Variants in PDE10A observed in about 807,000 individuals in gnomAD.
PDE10A encodes the protein cAMP and cAMP-inhibited cGMP 3',5'-cyclic phosphodiesterase 10A.
In PDE10A, 39 loss-of-function variants were observed where a neutral mutation model predicts 97.7. That is an observed-to-expected ratio of 0.40 (90% CI 0.31 to 0.52). The LOEUF (loss-of-function observed/expected upper bound fraction) is 0.52. PDE10A is among the 20% of genes least tolerant of loss of function. The pLI is 0.56. For synonymous variants in PDE10A, 371 were observed against 376.8 expected (o/e 0.98, Z 0.18); for missense variants, 731 against 1,047.8 (o/e 0.70, Z 4.17).
At chr6:165,432,726 T>C (rs1789688753) in intron 7 of PDE10A, among the ~76,000 whole-genome samples, 2 of 152,142 alleles carry the variant, frequency 1.3e-5, no homozygotes, top group Admixed American at 6.5e-5. Context: ...GAGTACAGCA[T>C]ACCTTTTATT....
At chr6:165,805,916 C>A (rs1276151386) in intron 1 of PDE10A, among the ~76,000 whole-genome samples, 2 of 151,972 alleles carry the variant, frequency 1.3e-5, no homozygotes, top group African/African-American at 4.8e-5. Flanking sequence ...CCAGTTCCAA[C>A]CTGTAAGGAA....
intron 6 of PDE10A, among the ~76,000 whole-genome samples, chr6:165,434,016 C>CAAAA (rs759945561): frequency 2.9e-3 from 157 of 53,904 alleles, no homozygotes; most frequent in Middle Eastern, 0.013. Context: ...GACTCCGTCT[C>CAAAA]AAAAAAAAAA....
At chr6:165,903,407 T>C (rs1325008935) in intron 1 of PDE10A, among the ~76,000 whole-genome samples, 2 of 152,194 alleles carry the variant, frequency 1.3e-5, no homozygotes, top group African/African-American at 4.8e-5. Context: ...GGAAAGTTGA[T>C]AGAACTTCTT....
At chr6:165,543,029 T>C (rs1217167792) in intron 2 of PDE10A, among the ~76,000 whole-genome samples, 1 of 152,208 alleles carries the variant, frequency 6.6e-6, no homozygotes, top group Non-Finnish European at 1.5e-5. Flanking sequence ...AAAAATTGTT[T>C]TTATATTGGC....
intron 5 of PDE10A, among the ~76,000 whole-genome samples, chr6:165,446,145 T>G (rs1485299720): frequency 6.6e-6 from 1 of 152,220 alleles, no homozygotes; most frequent in Non-Finnish European, 1.5e-5. Context: ...TTTTAGTCAA[T>G]ATTCAGAGAG....
At chr6:165,983,644 A>T (rs1411999382) in intron 1 of PDE10A, among the ~76,000 whole-genome samples, 1 of 152,204 alleles carries the variant, frequency 6.6e-6, no homozygotes, top group Non-Finnish European at 1.5e-5. Context: ...ATGAGCAAAC[A>T]CATAAACCTT....
chr6:165,929,244 C>T lies in PDE10A; in HGVS notation c.-615+58285G>A, dbSNP rs563743545. Among the ~76,000 whole-genome samples, 46 of 152,268 alleles carry T rather than the reference C, an allele frequency of 3.0e-4. 1 individual carries two copies. In the South Asian group the frequency reaches 5.8e-3, roughly 19 times the overall value. The stretch of plus-strand genomic sequence containing the variant: ...ACTAAAACAAGATGCTTGTAAAGCA[C>T]GCAGGAGTCCTCGAGTGCAGGTCAG... On this transcript the variant is annotated intron_variant, in intron 1 of 19. Coordinates refer to the PDE10A transcript ENST00000366882.
chr6:165,854,640 C>A (rs1459602140), intron 1 of PDE10A, among the ~76,000 whole-genome samples: 2 of 152,122 alleles, frequency 1.3e-5, no homozygotes, highest in African/African-American at 4.8e-5. Flanking sequence ...GAGCGGGTGG[C>A]GAAGGTGCAG....
Position 165,495,548 on chromosome 6 carries a change from A to AT in PDE10A, c.995-13206dup, listed in dbSNP as rs913312487. On this transcript the variant is annotated intron_variant, in intron 2 of 21. Coordinates refer to ENST00000539869, the MANE Select transcript of PDE10A (RefSeq NM_001385079.1). ...CAGGTAAAACTAAAAACACTCGAGTATTTTTTTAAATGCAACAAAGTGTTA... is the reference window on the plus strand; with the variant it reads ...CAGGTAAAACTAAAAACACTCGAGTATTTTTTTTAAATGCAACAAAGTGTTA... Among the ~76,000 whole-genome samples the AT allele has an allele frequency of 4.0e-5, 6 of 148,902 alleles. No individual in the cohort carries two copies. In the East Asian group the frequency reaches 1.2e-3, roughly 29 times the overall value.
In PDE10A at chr6:165,433,137, A is replaced by G; in HGVS notation, c.1336-8T>C. 1 of 1,589,584 alleles carries G rather than the reference A, an allele frequency of 6.3e-7. No homozygotes were observed. Among genetic ancestry groups the G allele is most frequent in the Non-Finnish European group, 8.6e-7 (1 of 1,162,396 alleles). On this transcript the variant is annotated splice_polypyrimidine_tract_variant and splice_region_variant and intron_variant, in intron 6 of 21. Transcript: ENST00000539869. Reference sequence around the variant, plus strand: ...TCTTGGAAATCGTTCATCCTGAAAAACAAAAAGACAAAAAGACATAAATTC... The same window carrying G: ...TCTTGGAAATCGTTCATCCTGAAAAGCAAAAAGACAAAAAGACATAAATTC...
At chr6:165,512,092 G>T (rs1211543869) in intron 2 of PDE10A, among the ~76,000 whole-genome samples, 2 of 151,856 alleles carry the variant, frequency 1.3e-5, no homozygotes, top group South Asian at 2.1e-4. Context: ...TATATTCTTT[G>T]TTCCTTTCTT....
At chr6:165,500,433 T>C (rs1173568851) in intron 2 of PDE10A, among the ~76,000 whole-genome samples, 1 of 152,216 alleles carries the variant, frequency 6.6e-6, no homozygotes, top group Non-Finnish European at 1.5e-5. Flanking sequence ...CGCAGAGACC[T>C]GTGCTGTGTT....
chr6:165,662,001 G>T lies in PDE10A; in HGVS notation c.811C>A (p.Pro271Thr). 1 of 1,455,842 alleles carries T rather than the reference G, an allele frequency of 6.9e-7. No individual in the cohort carries two copies. The highest frequency in any genetic ancestry group is 9.4e-7 in the Non-Finnish European group (1 of 1,068,086). 90.2% of individuals were successfully genotyped at this position (1,455,842 alleles called of 1,614,324 possible). The change falls in exon 1 of 22, where the codon CCT becomes ACT. Residue 271 changes from proline to threonine, a missense_variant. By Grantham distance (38) the Pro-to-Thr change is conservative. Transcript: ENST00000539869. ...CGGAAGCAGCTCGCATTATTAGAAGGTCCATCTTCCATGTCGGAGCCGAAG... is the reference window on the plus strand; with the variant it reads ...CGGAAGCAGCTCGCATTATTAGAAGTTCCATCTTCCATGTCGGAGCCGAAG... ...LLFGSDMEDG[P>T]SNNASCFRRL...
intron 2 of PDE10A, among the ~76,000 whole-genome samples, chr6:165,538,467 A>C (rs1480429038): frequency 6.6e-6 from 1 of 152,172 alleles, no homozygotes; most frequent in Non-Finnish European, 1.5e-5. Context: ...CACCCTCTGG[A>C]ATACTAAGTA....
At chr6:165,747,557 G>A (rs1042327084) in intron 1 of PDE10A, among the ~76,000 whole-genome samples, 5 of 152,066 alleles carry the variant, frequency 3.3e-5, no homozygotes, top group African/African-American at 9.7e-5. Flanking sequence ...CAGGCAATTT[G>A]GCTGAAGTCT....
chr6:165,505,396 A>T (rs566868279), intron 2 of PDE10A, among the ~76,000 whole-genome samples: 1 of 152,232 alleles, frequency 6.6e-6, no homozygotes, highest in Non-Finnish European at 1.5e-5. Context: ...TCTTATAACA[A>T]GAAACATACA....
At chr6:165,536,894 T>C (rs1783120753) in intron 2 of PDE10A, among the ~76,000 whole-genome samples, 1 of 151,932 alleles carries the variant, frequency 6.6e-6, no homozygotes, top group East Asian at 1.9e-4. Context: ...TGGAGGCTCC[T>C]CAAAAAACTA....
intron 1 of PDE10A, among the ~76,000 whole-genome samples, chr6:165,600,244 G>A (rs1030623525): frequency 6.6e-6 from 1 of 152,208 alleles, no homozygotes; most frequent in Non-Finnish European, 1.5e-5. Context: ...GGGACACACT[G>A]CCAAAACAGC....
rs186744538 is a variant in PDE10A at position 165,732,892 on chromosome 6, C to T, written c.-614-189324G>A. On this transcript the variant is annotated intron_variant, in intron 1 of 19. Transcript: ENST00000366882. ...CTGGCCACCAAGCACAGCTGGCCTC[C>T]GCAGAGCCAGGGCTCTCCTTCGCGT... Among the ~76,000 whole-genome samples, 570 of 152,312 alleles carry T rather than the reference C, an allele frequency of 3.7e-3. 3 individuals are homozygous for T. Among genetic ancestry groups the T allele is most frequent in the African/African-American group, 0.013 (531 of 41,570 alleles).
Sources: allele counts gnomAD v4.1 joint callset (sites outside exome capture counted in the v4.1 genomes callset), GRCh38; gene constraint gnomAD v4.1.1; transcripts MANE v1.5; gene names NCBI Gene and HGNC (gene_info 2026-07-23, HGNC 2026-07-21).